SLC7A2: variants seen among roughly 807,000 people sequenced by gnomAD.
The protein encoded by SLC7A2 is solute carrier family 7 member 2.
In SLC7A2, 48 loss-of-function variants were observed where a neutral mutation model predicts 58.9. The observed-to-expected ratio is 0.82, with a 90% CI of 0.65 to 1.04. SLC7A2 has a LOEUF of 1.04. SLC7A2 is among the 50% of genes least tolerant of loss of function. The pLI, the probability that SLC7A2 is intolerant of heterozygous loss-of-function variation, is 0.00. For missense variants in SLC7A2, 1,029 were observed against 818.8 expected (o/e 1.26, Z -3.13); for synonymous variants, 363 against 314.5 (o/e 1.15, Z -1.63).
chr8:17,561,780 T>G (rs1407887787), intron 10 of SLC7A2, among the ~76,000 whole-genome samples, 164 bp from the exon 11 acceptor site: 1 of 152,158 alleles, frequency 6.6e-6, no homozygotes, highest in Non-Finnish European at 1.5e-5. Flanking sequence ...ACTGGACATC[T>G]CTCTCCTCAA....
intron 7 of SLC7A2, among the ~76,000 whole-genome samples, chr8:17,552,806 C>G (rs1484123004): frequency 1.3e-5 from 2 of 152,098 alleles, no homozygotes; most frequent in African/African-American, 4.8e-5. Flanking sequence ...TCAGATATTT[C>G]GTTCTAGTTT....
chr8:17,514,734 C>A (rs977063078), intron 2 of SLC7A2, among the ~76,000 whole-genome samples: 1 of 152,168 alleles, frequency 6.6e-6, no homozygotes, highest in African/African-American at 2.4e-5. Context: ...ATAAAGGCCT[C>A]ATTCCTAAGC....
chr8:17,515,080 G>A (rs796173833), intron 2 of SLC7A2, among the ~76,000 whole-genome samples: 18 of 152,260 alleles, frequency 1.2e-4, no homozygotes, highest in African/African-American at 4.3e-4. Flanking sequence ...GGACTTTATA[G>A]TTGCTAACAC....
At chr8:17,562,178 G>A (rs1204671677) in intron 11 of SLC7A2, 68 bp downstream of exon 11, 5 of 478,214 alleles carry the variant, frequency 1.0e-5, no homozygotes, top group Middle Eastern at 5.9e-4. Context: ...AGTTTGGTAA[G>A]TATTTTTTTT....
At chr8:17,496,513 C>A (rs1799961814), upstream of SLC7A2, among the ~76,000 whole-genome samples, 1 of 152,096 alleles carries the variant, frequency 6.6e-6, no homozygotes, top group African/African-American at 2.4e-5. Context: ...TGCTCTTGCT[C>A]CCCTGGAAAT....
intron 2 of SLC7A2, among the ~76,000 whole-genome samples, chr8:17,506,539 G>A (rs372017315): frequency 3.3e-5 from 5 of 152,110 alleles, no homozygotes; most frequent in Admixed American, 2.0e-4. Context: ...TTTCTGGCAC[G>A]GTGCTAGACG....
intron 2 of SLC7A2, among the ~76,000 whole-genome samples, chr8:17,532,279 G>T (rs1801492649): frequency 9.8e-6 from 1 of 101,738 alleles, no homozygotes; most frequent in African/African-American, 2.9e-5. Flanking sequence ...TTCTAGGGAG[G>T]AATAATGGCT....
intron 2 of SLC7A2, among the ~76,000 whole-genome samples, chr8:17,522,734 C>T (rs2588217): frequency 0.98 from 149,731 of 152,076 alleles, 73,763 homozygotes; most frequent in East Asian, 1. Context: ...CTAGGAAGTA[C>T]ATTTTTTAAA....
At chr8:17,496,023 G>A (rs971099299), upstream of SLC7A2, among the ~76,000 whole-genome samples, 2 of 152,240 alleles carry the variant, frequency 1.3e-5, no homozygotes, top group Non-Finnish European at 2.9e-5. Flanking sequence ...TATATGTACT[G>A]TGAGGCAGCA....
chr8:17,546,001 A>C (rs934747011), intron 4 of SLC7A2, among the ~76,000 whole-genome samples: 6 of 152,328 alleles, frequency 3.9e-5, no homozygotes, highest in African/African-American at 1.4e-4. Context: ...AACATGAACA[A>C]AGTGCGTAGA....
intron 2 of SLC7A2, among the ~76,000 whole-genome samples, chr8:17,541,093 C>G (rs894746847): frequency 2.0e-5 from 3 of 152,102 alleles, no homozygotes; most frequent in Non-Finnish European, 2.9e-5. Flanking sequence ...GTCTTTGTTT[C>G]TGAGCACTTT....
At chr8:17,494,448 G>T (rs1475838808), upstream of SLC7A2, among the ~76,000 whole-genome samples, 1 of 152,098 alleles carries the variant, frequency 6.6e-6, no homozygotes, top group Non-Finnish European at 1.5e-5. Context: ...GAAACTTGAC[G>T]GCTGAAAGTG....
intron 2 of SLC7A2, chr8:17,538,823 G>T (rs1274360293): frequency 1.2e-6 from 2 of 1,613,524 alleles, no homozygotes; most frequent in African/African-American, 1.3e-5. Flanking sequence ...CTAGCAACTG[G>T]AATGAAGATA....
chr8:17,519,758 G>A (rs1220285018), intron 2 of SLC7A2, among the ~76,000 whole-genome samples: 1 of 152,068 alleles, frequency 6.6e-6, no homozygotes, highest in African/African-American at 2.4e-5. Flanking sequence ...GTTTCTTTGG[G>A]GCTTCTGAAT....
intron 1 of SLC7A2, among the ~76,000 whole-genome samples, chr8:17,499,719 A>T (rs1800080828): frequency 6.6e-6 from 1 of 152,086 alleles, no homozygotes. Context: ...AAACTTAGTT[A>T]ACTAAGATTT....
chr8:17,497,950 T>C (rs965598397), intron 1 of SLC7A2, among the ~76,000 whole-genome samples: 2 of 152,334 alleles, frequency 1.3e-5, no homozygotes, highest in Non-Finnish European at 2.9e-5. Flanking sequence ...GAAAGTACCT[T>C]TTCATCCTCT....
intron 2 of SLC7A2, among the ~76,000 whole-genome samples, chr8:17,538,488 T>TGATA (rs988228823): frequency 4.6e-5 from 7 of 152,354 alleles, no homozygotes; most frequent in Admixed American, 2.0e-4. Flanking sequence ...TTACCACATG[T>TGATA]GATAGTCTTT....
At chr8:17,524,119 G>C (rs111714875) in intron 2 of SLC7A2, among the ~76,000 whole-genome samples, 1,747 of 152,274 alleles carry the variant, frequency 0.011, 44 homozygotes, top group African/African-American at 0.04. Flanking sequence ...TGTTGGCATG[G>C]ATGCGGTGAA....
At chr8:17,520,641 T>TAAAAAAAAAAAAAAAAAAA (rs61512531) in intron 2 of SLC7A2, 1 of 60,856 alleles carries the variant, frequency 1.6e-5, no homozygotes, top group East Asian at 9.5e-4. Flanking sequence ...ACTCTGTCTT[T>TAAAAAAAAAAAAAAAAAAA]AAAAAAAAAA....
Sources: gnomAD v4.1 joint callset for allele counts (sites outside exome capture counted in the v4.1 genomes callset) on GRCh38, gnomAD v4.1.1 for gene constraint, MANE v1.5 for transcripts, NCBI Gene and HGNC (gene_info 2026-07-23, HGNC 2026-07-21) for gene names.